The following DPP6 variants were observed in gnomAD, a reference collection of about 807,000 sequenced individuals.
The protein encoded by DPP6 is A-type potassium channel modulatory protein DPP6.
DPP6 carries 69 observed loss-of-function variants against 122.6 expected under a neutral mutation model. The ratio of observed to expected loss-of-function variants is 0.56; its 90% CI spans 0.46 to 0.69. The LOEUF is 0.69. Ranked by LOEUF, DPP6 falls within the 30% of genes least tolerant of loss-of-function variation. DPP6 has a pLI of 0.00. For missense variants in DPP6, 928 were observed against 1,116.9 expected (o/e 0.83, Z 2.41); for synonymous variants, 418 against 433.1 (o/e 0.97, Z 0.43).
chr7:154,296,236 G>T (rs1485003595), intron 1 of DPP6, among the ~76,000 whole-genome samples: 1 of 152,110 alleles, frequency 6.6e-6, no homozygotes, highest in African/African-American at 2.4e-5. Context: ...GAGCCACCGC[G>T]CCCGGCTGCC....
chr7:154,882,133 A>C lies in DPP6; in HGVS notation c.2133+1191A>C, dbSNP rs1805439955. Among the ~76,000 whole-genome samples, 4 of 151,986 alleles carry C rather than the reference A, an allele frequency of 2.6e-5. No individual in the cohort carries two copies. The South Asian group carries it at 8.3e-4, about 31-fold the overall frequency. On this transcript the variant is annotated intron_variant, in intron 21 of 25. Coordinates refer to ENST00000377770, the MANE Select transcript of DPP6 (RefSeq NM_130797.4). The stretch of plus-strand genomic sequence containing the variant: ...CCTGTGCCTTGCATATAGTCCATCC[A>C]CTCAGGGCCTTTCATAGTTCACTTC...
chr7:154,016,401 T>TA (rs1798420124), intron 1 of DPP6, among the ~76,000 whole-genome samples: 1 of 146,464 alleles, frequency 6.8e-6, no homozygotes, highest in African/African-American at 2.5e-5. Flanking sequence ...GTAGGTTTAT[T>TA]TTTTTTTTTT....
rs181222522 is a variant in DPP6, at chr7:154,467,591, G to A, written c.359-7348G>A. Among the ~76,000 whole-genome samples, 55 of 152,182 alleles carry A rather than the reference G, an allele frequency of 3.6e-4. 2 individuals are homozygous for A. The highest frequency in any genetic ancestry group is 7.7e-4 in the East Asian group (4 of 5,176). On this transcript the variant is annotated intron_variant, in intron 2 of 25. Transcript: ENST00000377770. ...CAGAACTGTGAGTCAATTAAACCTCGTTTCATTATAAATTACCCAGTCTCA... is the reference window on the plus strand; with the variant it reads ...CAGAACTGTGAGTCAATTAAACCTCATTTCATTATAAATTACCCAGTCTCA...
At chr7:154,864,789 C>CT (rs1803709765) in intron 17 of DPP6, among the ~76,000 whole-genome samples, 2 of 152,194 alleles carry the variant, frequency 1.3e-5, no homozygotes, top group African/African-American at 4.8e-5. Flanking sequence ...ACGAGGTATT[C>CT]ACACGCAGCC....
At chr7:154,410,106 C>G (rs1816474769) in intron 1 of DPP6, among the ~76,000 whole-genome samples, 1 of 152,186 alleles carries the variant, frequency 6.6e-6, no homozygotes, top group Non-Finnish European at 1.5e-5. Context: ...TAGTGCCTGT[C>G]TCTTTGCAAA....
chr7:154,475,440 C>T lies in DPP6; in HGVS notation c.457+403C>T, dbSNP rs114172144. 7.0e-3 allele frequency: 1,769 copies of T among 251,970 alleles called. 30 individuals are homozygous for T. The highest frequency in any genetic ancestry group is 0.038 in the African/African-American group (1,664 of 43,980). 15.6% of individuals were successfully genotyped at this position (251,970 alleles called of 1,614,324 possible). On this transcript the variant is annotated intron_variant, in intron 3 of 25. Transcript: ENST00000377770. Reference sequence around the variant, plus strand: ...TCCCCTTTGTTCTCTTGCTCTCTTTCCGTTAGGCAGAAGGACCAAAAGCAA... The same window carrying T: ...TCCCCTTTGTTCTCTTGCTCTCTTTTCGTTAGGCAGAAGGACCAAAAGCAA...
chr7:154,456,739 A>AGGGAGATTTGACACAGAC (rs1293659060), intron 2 of DPP6, among the ~76,000 whole-genome samples: 11 of 26,592 alleles, frequency 4.1e-4, no homozygotes, highest in African/African-American at 7.7e-4. Context: ...GAAGGAAATA[A>AGGGAGATTTGACACAGAC]GAATGCTTGT....
intron 4 of DPP6, among the ~76,000 whole-genome samples, chr7:154,545,489 T>TTCCTTCCA (rs1489172315): frequency 8.1e-6 from 1 of 123,274 alleles, no homozygotes; most frequent in African/African-American, 2.9e-5. Context: ...CCTTCCTTCC[T>TTCCTTCCA]TCCTTCCATC....
the DPP6 span, among the ~76,000 whole-genome samples, chr7:153,820,508 C>A: frequency 2.0e-5 from 3 of 152,264 alleles, no homozygotes; most frequent in African/African-American, 7.2e-5. Flanking sequence ...TCTGAAGATT[C>A]AAGAATAGTT....
At chr7:154,090,237 G>A (rs1804707129) in intron 1 of DPP6, among the ~76,000 whole-genome samples, 1 of 152,078 alleles carries the variant, frequency 6.6e-6, no homozygotes, top group Non-Finnish European at 1.5e-5. Context: ...CTCACTGCTG[G>A]TGGGGAGGGG....
intron 8 of DPP6, among the ~76,000 whole-genome samples, chr7:154,761,517 G>C (rs1312319476): frequency 3.3e-5 from 5 of 152,122 alleles, no homozygotes; most frequent in Non-Finnish European, 1.5e-5. Context: ...AATTTAGAAA[G>C]AAAAGAGGTT....
Position 154,574,362 on chromosome 7 carries a change from TTGTGTATGTG to T in DPP6, c.627+7457_627+7466del, listed in dbSNP as rs1188030598. The stretch of plus-strand genomic sequence containing the variant: ...TGTGTGGTATGTGTATATGTGTGTG[TTGTGTATGTG>T]TGTGTATGTGGTGTGTGTATGTGTG... On this transcript the variant is annotated intron_variant, in intron 5 of 25. Transcript: ENST00000377770. Among the ~76,000 whole-genome samples the T allele has an allele frequency of 2.3e-3, 330 of 144,124 alleles. 4 individuals carry two copies. Among genetic ancestry groups the T allele is most frequent in the African/African-American group, 8.0e-3 (310 of 38,730 alleles). 94.6% of individuals were successfully genotyped at this position (144,124 alleles called of 152,430 possible). A position where few individuals can be genotyped will look rare whatever the true frequency, so the allele number is the denominator to read the frequency against.
chr7:154,276,066 A>G (rs930938395), intron 1 of DPP6, among the ~76,000 whole-genome samples: 1 of 152,256 alleles, frequency 6.6e-6, no homozygotes, highest in Non-Finnish European at 1.5e-5. Context: ...GAGTGAGGCC[A>G]GCACTCCAGG....
intron 18 of DPP6, 112 bp downstream of exon 18, chr7:154,868,205 G>T: frequency 7.2e-7 from 1 of 1,385,502 alleles, no homozygotes; most frequent in Non-Finnish European, 9.7e-7. Context: ...CCAAGCACGG[G>T]GGTGTATCTT....
chr7:154,463,195 C>CTTTTTTTTTTTTT (rs368362408), intron 2 of DPP6, among the ~76,000 whole-genome samples: 2 of 84,132 alleles, frequency 2.4e-5, no homozygotes, highest in East Asian at 3.3e-4. Context: ...TTCTCCTTTT[C>CTTTTTTTTTTTTT]TTTTTTTTTT....
chr7:153,758,294 G>C, the DPP6 span, among the ~76,000 whole-genome samples: 2 of 152,208 alleles, frequency 1.3e-5, no homozygotes, highest in Non-Finnish European at 2.9e-5. Flanking sequence ...GACAAAAGAA[G>C]ATTATTACCT....
At chr7:154,783,137 G>A (rs1396780700) in intron 10 of DPP6, among the ~76,000 whole-genome samples, 2 of 152,088 alleles carry the variant, frequency 1.3e-5, no homozygotes, top group South Asian at 2.1e-4. Context: ...TTAGAGATGG[G>A]GGTAGAGGCT....
At chr7:154,225,162 TAAAA>T (rs759347569) in intron 1 of DPP6, among the ~76,000 whole-genome samples, 5 of 151,716 alleles carry the variant, frequency 3.3e-5, no homozygotes, top group Non-Finnish European at 7.4e-5. Flanking sequence ...AATAAGTAAA[TAAAA>T]ATAAATAAAT....
chr7:154,506,252 T>C (rs1825655254), intron 3 of DPP6, among the ~76,000 whole-genome samples: 1 of 152,088 alleles, frequency 6.6e-6, no homozygotes, highest in African/African-American at 2.4e-5. Context: ...TTTGTTGTGT[T>C]CAGAATGGCC....
Sources: gnomAD v4.1 joint callset for allele counts (sites outside exome capture counted in the v4.1 genomes callset) on GRCh38, gnomAD v4.1.1 for gene constraint, MANE v1.5 for transcripts, NCBI Gene and HGNC (gene_info 2026-07-23, HGNC 2026-07-21) for gene names.